The following MCTP2 variants were observed in gnomAD, a reference collection of about 807,000 sequenced individuals.
MCTP2 encodes the protein multiple C2 and transmembrane domain-containing protein 2.
Under a neutral mutation model 111.6 loss-of-function variants are expected in MCTP2, and 132 were observed. The ratio of observed to expected loss-of-function variants is 1.18; its 90% confidence interval spans 1.03 to 1.37. The LOEUF (loss-of-function observed/expected upper bound fraction) is 1.37. Ranked by LOEUF, MCTP2 falls within the 40% of genes most tolerant of loss-of-function variation. The probability of loss-of-function intolerance (pLI) is 0.00; values close to 1 mark genes in which losing one functional copy is unlikely to be tolerated. For synonymous variants in MCTP2, 395 were observed against 387.7 expected, an observed-to-expected ratio of 1.02 and a Z score of -0.22; for missense variants, 1,183 against 1,067.9, an observed-to-expected ratio of 1.11 and a Z score of -1.50.
chr15:94,475,667 A>G (rs1020000243), intron 21 of MCTP2, among the ~76,000 whole-genome samples: 1 of 152,192 alleles, frequency 6.6e-6, no homozygotes, highest in Non-Finnish European at 1.5e-5. Context: ...AAGGCCACCT[A>G]GTCTTTCTGC....
At chr15:94,429,663 A>G (rs1415926143) in intron 17 of MCTP2, among the ~76,000 whole-genome samples, 2 of 152,150 alleles carry the variant, frequency 1.3e-5, no homozygotes, top group African/African-American at 4.8e-5. Flanking sequence ...GTAGAAATCA[A>G]TTCTGGGCCA....
At chr15:94,329,944 C>A (rs2077057576) in intron 4 of MCTP2, among the ~76,000 whole-genome samples, 2 of 152,198 alleles carry the variant, frequency 1.3e-5, no homozygotes, top group Admixed American at 6.5e-5. Context: ...GTGCCATTGA[C>A]CTACTTCACC....
chr15:94,314,249 G>A (rs534064409), intron 2 of MCTP2, 33 bp from the exon 3 acceptor site: 76 of 1,550,596 alleles, frequency 4.9e-5, no homozygotes, highest in Non-Finnish European at 6.3e-5. Flanking sequence ...ATTTGCTTTT[G>A]TAAAGCAGAT....
chr15:94,437,871 A>G (rs2083564974), intron 17 of MCTP2, among the ~76,000 whole-genome samples: 1 of 152,076 alleles, frequency 6.6e-6, no homozygotes. Flanking sequence ...TGAAAGAGAA[A>G]AATGGGGATC....
At chr15:94,347,784 A>T (rs2078062141) in intron 8 of MCTP2, among the ~76,000 whole-genome samples, 1 of 152,216 alleles carries the variant, frequency 6.6e-6, no homozygotes, top group African/African-American at 2.4e-5. Context: ...TTTACCTTAC[A>T]TCAAATAGTC....
In MCTP2 at chr15:94,440,085, A is replaced by G. The variant is rs138186002; in HGVS notation, c.2086-91A>G. ...TCTGAATGTGACTAGAAAGAGTCCA[A>G]TTGAATCTCCTTACATCAATGAGTA... On this transcript the variant is annotated intron_variant, in intron 17 of 22. Coordinates refer to ENST00000357742, the MANE Select transcript of MCTP2 (RefSeq NM_001385001.1). 3.5e-4 allele frequency: 508 copies of G among 1,442,754 alleles called. 2 individuals are homozygous for G. The African/African-American group carries it at 5.0e-3, about 14-fold the overall frequency. The allele number at this position is 1,442,754 out of a possible 1,614,324, so 89.4% of individuals were successfully genotyped here.
At chr15:94,460,186 A>T (rs1486736093) in intron 20 of MCTP2, among the ~76,000 whole-genome samples, 1 of 152,200 alleles carries the variant, frequency 6.6e-6, no homozygotes, top group Non-Finnish European at 1.5e-5. Flanking sequence ...GAGAGATCTG[A>T]TCAGCCCAGG....
chr15:94,342,823 G>A (rs2077730510), intron 7 of MCTP2: 1 of 149,662 alleles, frequency 6.7e-6, no homozygotes, highest in Admixed American at 6.7e-5. Flanking sequence ...TATTCAAGTT[G>A]GGTTTGTAAA....
intron 4 of MCTP2, among the ~76,000 whole-genome samples, chr15:94,318,698 C>A (rs1057071678): frequency 1.3e-5 from 2 of 152,176 alleles, no homozygotes; most frequent in Non-Finnish European, 2.9e-5. Flanking sequence ...CAATACTATA[C>A]TTCTCTATCA....
At chr15:94,429,771 A>G (rs56317959) in intron 17 of MCTP2, among the ~76,000 whole-genome samples, 22,275 of 151,792 alleles carry the variant, frequency 0.15, 1,684 homozygotes, top group East Asian at 0.26. Flanking sequence ...TCTAACCATA[A>G]CCTCTACCCT....
At chr15:94,421,891 C>A (rs1307816279) in intron 17 of MCTP2, among the ~76,000 whole-genome samples, 1 of 152,152 alleles carries the variant, frequency 6.6e-6, no homozygotes, top group Non-Finnish European at 1.5e-5. Context: ...CTGCCTACCA[C>A]AATGAGGTCG....
intron 8 of MCTP2, among the ~76,000 whole-genome samples, chr15:94,349,152 C>G (rs2078160329): frequency 6.6e-6 from 1 of 152,202 alleles, no homozygotes; most frequent in African/African-American, 2.4e-5. Context: ...ATTATGAAGT[C>G]TAGGTCAGTA....
rs745664850 is a variant in MCTP2 at position 94,330,187 on chromosome 15, T to G, written c.638-9103T>G. Among the ~76,000 whole-genome samples, 2 of 152,238 alleles carry G rather than the reference T, an allele frequency of 1.3e-5. 1 individual carries two copies. Among genetic ancestry groups the G allele is most frequent in the Middle Eastern group, 6.3e-3 (2 of 316 alleles). ...ATCCTTAAAGAAGCAGTGTAAAGCATGTCTATCTCCTTTTGTAGGATTAAA... is the reference window on the plus strand; with the variant it reads ...ATCCTTAAAGAAGCAGTGTAAAGCAGGTCTATCTCCTTTTGTAGGATTAAA... On this transcript the variant is annotated intron_variant, in intron 4 of 22. Transcript: ENST00000357742.
chr15:94,396,046 T>C (rs569865961), intron 14 of MCTP2, among the ~76,000 whole-genome samples: 222 of 152,332 alleles, frequency 1.5e-3, no homozygotes, highest in African/African-American at 4.1e-3. Context: ...TATTGCCTAA[T>C]ATTATGCACT....
At chr15:94,431,869 T>C (rs1284562987) in intron 17 of MCTP2, among the ~76,000 whole-genome samples, 3 of 152,190 alleles carry the variant, frequency 2.0e-5, no homozygotes, top group African/African-American at 4.8e-5. Context: ...AATATCTAGA[T>C]TTTATCTTTA....
At chr15:94,337,950 G>T (rs556973871) in intron 4 of MCTP2, among the ~76,000 whole-genome samples, 103 of 152,134 alleles carry the variant, frequency 6.8e-4, no homozygotes, top group Non-Finnish European at 9.7e-4. Flanking sequence ...CAAATAGCTG[G>T]GAAATGTAGT....
intron 1 of MCTP2, among the ~76,000 whole-genome samples, chr15:94,283,115 T>G (rs1249713909): frequency 6.6e-6 from 1 of 152,128 alleles, no homozygotes; most frequent in Non-Finnish European, 1.5e-5. Context: ...GCAAAAGTAC[T>G]CTGACAGGTA....
chr15:94,431,853 G>C (rs2083199981), intron 17 of MCTP2, among the ~76,000 whole-genome samples: 1 of 152,068 alleles, frequency 6.6e-6, no homozygotes, highest in Admixed American at 6.6e-5. Flanking sequence ...AAGATACACT[G>C]TTTCAAATAT....
chr15:94,385,475 GGAGATAAACCCCCA>G lies in MCTP2; in HGVS notation c.1741_1754del (p.Asp581PhefsTer13), dbSNP rs774143867. 4.3e-6 allele frequency: 7 copies of G among 1,613,366 alleles called. No individual in the cohort carries two copies. Among genetic ancestry groups the G allele is most frequent in the Non-Finnish European group, 5.9e-6 (7 of 1,179,678 alleles). On this transcript the variant is annotated frameshift_variant, in exon 14 of 23. Transcript: ENST00000357742. LOFTEE classifies it high-confidence loss of function. ...GGAAGTGACAGTGTTTGATGAAGAT[GGAGATAAACCCCCA>G]GATTTTCTTGGAAAAGTTGCCATTC... is the stretch of plus-strand genomic sequence containing the variant.
Sources: allele counts gnomAD v4.1 joint callset (sites outside exome capture counted in the v4.1 genomes callset), GRCh38; gene constraint gnomAD v4.1.1; transcripts MANE v1.5; gene names NCBI Gene and HGNC (gene_info 2026-07-23, HGNC 2026-07-21).